Variants in RNF217 observed in about 807,000 individuals in gnomAD.
RNF217 encodes E3 ubiquitin-protein ligase RNF217.
In RNF217, 31 loss-of-function variants were observed where a neutral mutation model predicts 57.8. That is an observed-to-expected ratio of 0.54 (90% CI 0.40 to 0.72). The LOEUF (loss-of-function observed/expected upper bound fraction) is 0.72. Among genes scored for constraint, RNF217 ranks in the 30% least tolerant of loss-of-function variants. The pLI, the probability that RNF217 is intolerant of heterozygous loss-of-function variation, is 0.00. For synonymous variants in RNF217, 313 were observed against 294.0 expected (o/e 1.06, Z -0.66); for missense variants, 696 against 708.3 (o/e 0.98, Z 0.20).
chr6:124,990,672 G>T (rs1339692177), intron 1 of RNF217, among the ~76,000 whole-genome samples: 7 of 152,060 alleles, frequency 4.6e-5, no homozygotes, highest in Non-Finnish European at 1.0e-4. Context: ...CATTTCCCCT[G>T]CTACCACTGT....
Position 125,050,992 on chromosome 6 carries a change from A to G in RNF217, c.1116+5548A>G, listed in dbSNP as rs1400574643. Among the ~76,000 whole-genome samples, 3 of 151,818 alleles carry G rather than the reference A, an allele frequency of 2.0e-5. No homozygotes were observed. The South Asian group carries it at 6.2e-4, about 32-fold the overall frequency. On this transcript the variant is annotated intron_variant, in intron 2 of 5. Coordinates refer to ENST00000521654, the MANE Select transcript of RNF217 (RefSeq NM_001286398.3). Reference sequence around the variant, plus strand: ...CATTACCCTTGAAAAAACATATAACACTCAGCTATGATGCAAGCCTACTAA... The same window carrying G: ...CATTACCCTTGAAAAAACATATAACGCTCAGCTATGATGCAAGCCTACTAA...
Position 125,058,041 on chromosome 6 carries a change from T to C in RNF217, c.1216T>C (p.Leu406=). 1 of 1,613,580 alleles carries C rather than the reference T, an allele frequency of 6.2e-7. No homozygotes were observed. Among genetic ancestry groups the C allele is most frequent in the Non-Finnish European group, 8.5e-7 (1 of 1,179,720 alleles). ...CKEYKKGDKL[L]RHWASEIEHG... ...GGAGTACAAAAAAGGAGACAAATTGTTGCGTCACTGGGCCAGCGAAATTGA... is the reference window on the plus strand; with the variant it reads ...GGAGTACAAAAAAGGAGACAAATTGCTGCGTCACTGGGCCAGCGAAATTGA... The change falls in exon 3 of 6, where the codon TTG becomes CTG. Residue 406 remains leucine (L), a synonymous_variant. Coordinates refer to ENST00000521654, the MANE Select transcript of RNF217 (RefSeq NM_001286398.3).
chr6:125,030,785 G>A (rs1786321912), intron 1 of RNF217, among the ~76,000 whole-genome samples: 1 of 152,146 alleles, frequency 6.6e-6, no homozygotes, highest in Non-Finnish European at 1.5e-5. Context: ...GTCGGTGGAT[G>A]TACCATTCTG....
chr6:125,039,988 A>G (rs1040397671), intron 1 of RNF217, among the ~76,000 whole-genome samples: 5 of 152,214 alleles, frequency 3.3e-5, no homozygotes, highest in Non-Finnish European at 5.9e-5. Context: ...TGCCCACATC[A>G]GAAAGCTGGA....
At chr6:124,983,914 T>C (rs1784270808) in intron 1 of RNF217, among the ~76,000 whole-genome samples, 1 of 152,152 alleles carries the variant, frequency 6.6e-6, no homozygotes, top group Admixed American at 6.5e-5. Flanking sequence ...AGATTCACTG[T>C]CTGGTGAGGG....
intron 1 of RNF217, among the ~76,000 whole-genome samples, chr6:124,993,064 A>G (rs919982503): frequency 2.6e-5 from 4 of 152,310 alleles, no homozygotes; most frequent in Non-Finnish European, 5.9e-5. Flanking sequence ...AGCATAATCA[A>G]ATAAAACATT....
rs1399911192 is a variant in RNF217 at position 125,086,343 on chromosome 6, G to A, written c.*3406G>A. 1.3e-5 allele frequency: 2 copies of A among 151,734 alleles called. No individual in the cohort carries two copies. The highest frequency in any genetic ancestry group is 1.5e-5 in the Non-Finnish European group (1 of 67,922). The allele number at this position is 151,734 out of a possible 1,614,324, so 9.4% of individuals were successfully genotyped here. Reference sequence around the variant, plus strand: ...CAATAAAAATAAAATTTGAGGAGATGTGTGTCAGATAATGTGAGAGAGATG... The same window carrying A: ...CAATAAAAATAAAATTTGAGGAGATATGTGTCAGATAATGTGAGAGAGATG... On this transcript the variant is annotated 3_prime_UTR_variant, in exon 6 of 6. Coordinates refer to ENST00000521654, the MANE Select transcript of RNF217 (RefSeq NM_001286398.3).
chr6:125,024,143 C>T (rs915029921), intron 1 of RNF217, among the ~76,000 whole-genome samples: 1 of 152,034 alleles, frequency 6.6e-6, no homozygotes, highest in Non-Finnish European at 1.5e-5. Context: ...AAAGCCTGGA[C>T]TAAGTAGCAT....
rs142055001 is a variant in RNF217, at chr6:125,011,257, G to A, written c.883-33954G>A. ...AAGCAAATAAATATTACATGTAATT[G>A]GCTCTCACCTCCAATGATATAGGTA... On this transcript the variant is annotated intron_variant, in intron 1 of 5. Coordinates refer to ENST00000521654, the MANE Select transcript of RNF217 (RefSeq NM_001286398.3). Among the ~76,000 whole-genome samples, 4 of 152,190 alleles carry A rather than the reference G, an allele frequency of 2.6e-5. No homozygotes were observed. In the East Asian group the frequency reaches 7.7e-4, roughly 29 times the overall value.
intron 1 of RNF217, among the ~76,000 whole-genome samples, chr6:125,032,722 T>C (rs75889541): frequency 6.6e-6 from 1 of 152,176 alleles, no homozygotes; most frequent in Non-Finnish European, 1.5e-5. Context: ...ACTATGATCA[T>C]TTTTGAGCTT....
intron 1 of RNF217, among the ~76,000 whole-genome samples, chr6:125,028,299 A>G (rs1786196646): frequency 1.3e-5 from 2 of 152,244 alleles, no homozygotes; most frequent in East Asian, 3.9e-4. Flanking sequence ...TGAACAACAC[A>G]CAAAGATAAT....
chr6:125,003,283 T>G (rs1274806416), intron 1 of RNF217, among the ~76,000 whole-genome samples: 2 of 152,142 alleles, frequency 1.3e-5, no homozygotes, highest in Non-Finnish European at 2.9e-5. Flanking sequence ...GATAAGATAA[T>G]GAAGTAAGCA....
chr6:125,065,768 C>T (rs778414208), intron 3 of RNF217, among the ~76,000 whole-genome samples: 5 of 152,160 alleles, frequency 3.3e-5, no homozygotes, highest in African/African-American at 7.2e-5. Flanking sequence ...GTTGCTTTCT[C>T]TTTCTACAGC....
At chr6:125,013,345 TTGTGTATGTGTGTGTGTGTGTG>T (rs1785482891) in intron 1 of RNF217, among the ~76,000 whole-genome samples, 1 of 112,208 alleles carries the variant, frequency 8.9e-6, no homozygotes, top group African/African-American at 3.2e-5. Context: ...CTTGCATGTT[TTGTGTATGTGTGTGTGTGTGTG>T]TGTGTGTGTG....
intron 3 of RNF217, among the ~76,000 whole-genome samples, chr6:125,076,286 C>T (rs1392242389): frequency 1.3e-5 from 2 of 152,126 alleles, no homozygotes; most frequent in Non-Finnish European, 2.9e-5. Context: ...CCCAAGTTGG[C>T]TCATTCTTGC....
Position 125,068,956 on chromosome 6 carries a change from G to T in RNF217, c.1282-7701G>T, listed in dbSNP as rs576221501. Among the ~76,000 whole-genome samples, 6 of 152,156 alleles carry T rather than the reference G, an allele frequency of 3.9e-5. No individual in the cohort carries two copies. The South Asian group carries it at 1.0e-3, about 26-fold the overall frequency. On this transcript the variant is annotated intron_variant, in intron 3 of 5. Coordinates refer to ENST00000521654, the MANE Select transcript of RNF217 (RefSeq NM_001286398.3). Reference sequence around the variant, plus strand: ...CACAGAGAGGAGAGGTGAAGATGAAGCTGAAGGAGGGGAAAACTGGCATCT... The same window carrying T: ...CACAGAGAGGAGAGGTGAAGATGAATCTGAAGGAGGGGAAAACTGGCATCT...
intron 3 of RNF217, among the ~76,000 whole-genome samples, chr6:125,061,487 A>G (rs751050418): frequency 5.3e-4 from 81 of 151,622 alleles, no homozygotes; most frequent in Non-Finnish European, 9.9e-4. Flanking sequence ...TTGCCCATTT[A>G]TGTGGGACAG....
rs1434794981 is a variant in RNF217, at chr6:125,091,923, A to C, written c.*8986A>C. 1 of 152,190 alleles carries C rather than the reference A, an allele frequency of 6.6e-6. No homozygotes were observed. The highest frequency in any genetic ancestry group is 2.4e-5 in the African/African-American group (1 of 41,452). 9.4% of individuals were successfully genotyped at this position (152,190 alleles called of 1,614,324 possible). A position where few individuals can be genotyped will look rare whatever the true frequency, so the allele number is the denominator to read the frequency against. On this transcript the variant is annotated 3_prime_UTR_variant, in exon 6 of 6. Coordinates refer to ENST00000521654, the MANE Select transcript of RNF217 (RefSeq NM_001286398.3). ...GTGCCTTTTGTTTTAGCTTTATACA[A>C]AATGCTAGGTTTGTTATATTCTTTA...
intron 5 of RNF217, among the ~76,000 whole-genome samples, chr6:125,082,060 C>T (rs989298064): frequency 6.6e-6 from 1 of 152,104 alleles, no homozygotes; most frequent in African/African-American, 2.4e-5. Flanking sequence ...CAGACTCTAG[C>T]ATGCTTTAGA....
Sources: allele counts gnomAD v4.1 joint callset (sites outside exome capture counted in the v4.1 genomes callset), GRCh38; gene constraint gnomAD v4.1.1; transcripts MANE v1.5; gene names NCBI Gene and HGNC (gene_info 2026-07-23, HGNC 2026-07-21).